The following DCHS2 variants were observed in gnomAD, a reference collection of about 807,000 sequenced individuals.
DCHS2 encodes dachsous cadherin-related 2, also known as protocadherin-23.
In DCHS2, 142 loss-of-function variants were observed where a neutral mutation model predicts 182.4. The observed-to-expected ratio is 0.78, with a 90% CI of 0.68 to 0.89. The LOEUF (loss-of-function observed/expected upper bound fraction) is 0.89. DCHS2 is among the 40% of genes least tolerant of loss of function. The pLI, the probability that DCHS2 is intolerant of heterozygous loss-of-function variation, is 0.00. For missense variants in DCHS2, 4,319 were observed against 4,198.6 expected (o/e 1.03, Z -0.79); for synonymous variants, 1,740 against 1,663.3 (o/e 1.05, Z -1.12).
intron 3 of DCHS2, among the ~76,000 whole-genome samples, chr4:154,353,295 T>TA (rs140985871): frequency 5.7e-4 from 86 of 149,896 alleles, no homozygotes; most frequent in East Asian, 2.2e-3. Context: ...AGCCCACAAT[T>TA]AAAAAAAAAC....
In DCHS2 at chr4:154,491,003, A is replaced by C. The variant is rs1304740000; in HGVS notation, c.353T>G (p.Val118Gly). Residue 118 changes from valine to glycine, a missense_variant, in exon 1 of 20, where the codon GTG becomes GGG. Coordinates refer to ENST00000357232, the MANE Select transcript of DCHS2 (RefSeq NM_001358235.2). The stretch of plus-strand genomic sequence containing the variant: ...GCGGATGATGCCGGTGTCCGGGTGC[A>C]CGTGGAAGTCGTCCAGCAGCGGGGA... ...DDSPLLDDFH[V>G]HPDTGIIRTA... The C allele has an allele frequency of 6.4e-7, 1 of 1,550,486 alleles. No homozygotes were observed. The highest frequency in any genetic ancestry group is 1.2e-5 in the South Asian group (1 of 84,012).
intron 1 of DCHS2, among the ~76,000 whole-genome samples, chr4:154,433,601 G>A (rs1029894473): frequency 6.6e-6 from 1 of 151,872 alleles, no homozygotes; most frequent in Non-Finnish European, 1.5e-5. Flanking sequence ...CACCATGTTG[G>A]CCAGGATGGT....
rs780692157 is a variant in DCHS2, at chr4:154,321,031, GCTGT to G, written c.4364_4367del (p.Asp1455AlafsTer24). ...TAGAAAGAAACAAGTCTCCGGTTGA[GCTGT>G]CTATTTCAAAGTGTCCATCCTTATC... is the stretch of plus-strand genomic sequence containing the variant. On this transcript the variant is annotated frameshift_variant, in exon 9 of 20. Transcript: ENST00000357232. LOFTEE classifies it high-confidence loss of function. 8.5e-5 allele frequency: 137 copies of G among 1,613,602 alleles called. No homozygotes were observed. The highest frequency in any genetic ancestry group is 1.0e-4 in the Non-Finnish European group (120 of 1,179,852).
At chr4:154,255,721 T>C in intron 15 of DCHS2, 51 bp from the exon 16 acceptor site, 2 of 1,541,258 alleles carry the variant, frequency 1.3e-6, no homozygotes, top group Non-Finnish European at 1.8e-6. Flanking sequence ...GCAATATGGG[T>C]TCAGTCTGTT....
At chr4:154,467,206 G>A (rs1735275263) in intron 1 of DCHS2, among the ~76,000 whole-genome samples, 1 of 152,130 alleles carries the variant, frequency 6.6e-6, no homozygotes, top group African/African-American at 2.4e-5. Flanking sequence ...GGAGTATATT[G>A]GTATAGAATA....
chr4:154,443,778 C>T (rs1488466697), intron 1 of DCHS2, among the ~76,000 whole-genome samples: 1 of 152,170 alleles, frequency 6.6e-6, no homozygotes, highest in Admixed American at 6.5e-5. Context: ...CACAGTTCTC[C>T]AGCTACACCA....
At chr4:154,358,365 T>C (rs1036892787) in intron 3 of DCHS2, among the ~76,000 whole-genome samples, 2 of 152,186 alleles carry the variant, frequency 1.3e-5, no homozygotes, top group African/African-American at 4.8e-5. Flanking sequence ...TTGGAAGCCC[T>C]ACACTAGTTG....
At chr4:154,380,218 CT>C (rs762249108) in intron 1 of DCHS2, among the ~76,000 whole-genome samples, 22 of 152,196 alleles carry the variant, frequency 1.4e-4, no homozygotes, top group Middle Eastern at 3.4e-3. Flanking sequence ...TTAAATTTAT[CT>C]TTTCTCTCAT....
At chr4:154,444,799 T>C (rs1734203145) in intron 1 of DCHS2, among the ~76,000 whole-genome samples, 1 of 152,210 alleles carries the variant, frequency 6.6e-6, no homozygotes, top group African/African-American at 2.4e-5. Flanking sequence ...AGGCCTCATA[T>C]TGGCTGGCCC....
At chr4:154,360,498 C>T (rs1249395056) in intron 3 of DCHS2, among the ~76,000 whole-genome samples, 1 of 152,038 alleles carries the variant, frequency 6.6e-6, no homozygotes, top group Non-Finnish European at 1.5e-5. Context: ...CTCTGTCTTG[C>T]AAATAAGAGA....
chr4:154,474,453 C>CCT (rs1340366492), intron 1 of DCHS2, among the ~76,000 whole-genome samples: 1 of 152,156 alleles, frequency 6.6e-6, no homozygotes, highest in Non-Finnish European at 1.5e-5. Context: ...GGGCAGCCCC[C>CCT]TGACTCAACT....
chr4:154,444,844 G>A (rs184553443), intron 1 of DCHS2, among the ~76,000 whole-genome samples: 6 of 152,218 alleles, frequency 3.9e-5, no homozygotes, highest in Admixed American at 1.3e-4. Flanking sequence ...CACGCGCCCC[G>A]TTCATTCCTC....
chr4:154,292,947 C>T (rs965181273), intron 13 of DCHS2, among the ~76,000 whole-genome samples: 1 of 152,202 alleles, frequency 6.6e-6, no homozygotes, highest in Non-Finnish European at 1.5e-5. Flanking sequence ...TTTCTTGTTT[C>T]TCTAACACCA....
intron 3 of DCHS2, among the ~76,000 whole-genome samples, chr4:154,347,615 C>T (rs575037065): frequency 1.3e-5 from 2 of 151,940 alleles, no homozygotes; most frequent in East Asian, 3.9e-4. Context: ...TAATACAATA[C>T]TAGTTCCCTT....
intron 13 of DCHS2, among the ~76,000 whole-genome samples, chr4:154,278,995 CTT>C (rs1331496109): frequency 1.3e-5 from 2 of 152,152 alleles, no homozygotes; most frequent in African/African-American, 4.8e-5. Context: ...GAAAAAATCA[CTT>C]TTATTCTGGT....
intron 1 of DCHS2, among the ~76,000 whole-genome samples, chr4:154,395,823 A>G (rs991251666): frequency 6.6e-6 from 1 of 152,224 alleles, no homozygotes; most frequent in Non-Finnish European, 1.5e-5. Context: ...TAAGAGGACA[A>G]AGAGGAATTA....
intron 1 of DCHS2, among the ~76,000 whole-genome samples, chr4:154,481,405 GT>G (rs1735914752): frequency 6.6e-6 from 1 of 151,868 alleles, no homozygotes; most frequent in Admixed American, 6.6e-5. Flanking sequence ...GGGACTACAG[GT>G]GCACATCACC....
At chr4:154,470,197 G>T (rs1003058403) in intron 1 of DCHS2, among the ~76,000 whole-genome samples, 2 of 152,292 alleles carry the variant, frequency 1.3e-5, no homozygotes, top group Admixed American at 6.5e-5. Context: ...ACAATTTTTA[G>T]CTAGGCACAG....
At chr4:154,424,695 G>A (rs1175518120) in intron 1 of DCHS2, among the ~76,000 whole-genome samples, 1 of 152,184 alleles carries the variant, frequency 6.6e-6, no homozygotes, top group African/African-American at 2.4e-5. Context: ...AAACCTTATA[G>A]GGTCTCAGTA....
Sources: allele counts gnomAD v4.1 joint callset (sites outside exome capture counted in the v4.1 genomes callset), GRCh38; gene constraint gnomAD v4.1.1; transcripts MANE v1.5; gene names NCBI Gene and HGNC (gene_info 2026-07-23, HGNC 2026-07-21).